Variants in PTK2 observed in about 807,000 individuals in gnomAD.
The protein encoded by PTK2 is focal adhesion kinase 1.
Under a neutral mutation model 150.1 loss-of-function variants are expected in PTK2, and 45 were observed. The ratio of observed to expected loss-of-function variants is 0.30; its 90% CI spans 0.24 to 0.38. The LOEUF is 0.38. PTK2 is among the 10% of genes least tolerant of loss of function. The pLI is 1.00. For synonymous variants in PTK2, 432 were observed against 449.2 expected (o/e 0.96, Z 0.48); for missense variants, 919 against 1,307.3 (o/e 0.70, Z 4.58).
chr8:140,879,425 A>T, intron 4 of PTK2, 46 bp downstream of exon 4: 2 of 1,516,676 alleles, frequency 1.3e-6, no homozygotes. Flanking sequence ...TTTAAAAAGC[A>T]AAAGAAATCA....
chr8:140,995,408 ACT>A (rs1162861434), intron 1 of PTK2, among the ~76,000 whole-genome samples: 2 of 150,640 alleles, frequency 1.3e-5, no homozygotes, highest in Middle Eastern at 6.9e-3. Flanking sequence ...AAGAAAAGAA[ACT>A]CTATAATGGC....
intron 14 of PTK2, among the ~76,000 whole-genome samples, chr8:140,767,706 A>C (rs978949069): frequency 3.3e-5 from 5 of 152,152 alleles, no homozygotes; most frequent in African/African-American, 9.7e-5. Context: ...CGCTGGTCTC[A>C]AACTCCTGGA....
chr8:140,682,492 A>G (rs753304007), intron 27 of PTK2, among the ~76,000 whole-genome samples: 4 of 152,012 alleles, frequency 2.6e-5, no homozygotes, highest in Non-Finnish European at 5.9e-5. Flanking sequence ...AGTGATGTAC[A>G]TATTTCTTTA....
intron 1 of PTK2, among the ~76,000 whole-genome samples, chr8:140,958,949 A>G (rs986853585): frequency 6.6e-6 from 1 of 152,154 alleles, no homozygotes; most frequent in Non-Finnish European, 1.5e-5. Flanking sequence ...CTATATGGAT[A>G]CTCAAATGAC....
intron 1 of PTK2, among the ~76,000 whole-genome samples, chr8:140,946,162 C>A (rs2100177627): frequency 6.6e-6 from 1 of 152,072 alleles, no homozygotes; most frequent in Admixed American, 6.6e-5. Flanking sequence ...AGAGGCCCTA[C>A]TTACAGAGCT....
At position 140,852,133 on chromosome 8, in the gene PTK2, C is replaced by T. The variant is rs2100129665; in HGVS notation, c.451-5455G>A. Among the ~76,000 whole-genome samples, 5 of 152,190 alleles carry T rather than the reference C, an allele frequency of 3.3e-5. 1 individual carries two copies. In the Middle Eastern group the frequency reaches 0.014, roughly 414 times the overall value. ...AAGTCAATTCTCAATATTAAATTCC[C>T]GAAGATAATAAACTGAGCACCTAAA... is the stretch of plus-strand genomic sequence containing the variant. On this transcript the variant is annotated intron_variant, in intron 5 of 31. Transcript: ENST00000522684.
intron 22 of PTK2, among the ~76,000 whole-genome samples, chr8:140,732,017 C>G (rs892117084): frequency 1.3e-5 from 2 of 152,028 alleles, no homozygotes; most frequent in African/African-American, 4.8e-5. Flanking sequence ...CTTTCGAGGT[C>G]AAGAAGAAGA....
intron 29 of PTK2, 88 bp downstream of exon 33, chr8:140,669,639 C>T (rs2094517792): frequency 2.1e-6 from 3 of 1,451,476 alleles, no homozygotes; most frequent in East Asian, 2.5e-5. Flanking sequence ...CCCACTTGGG[C>T]TTCCTGCTTT....
rs1232347708 is a variant in PTK2 at position 140,791,279 on chromosome 8, C to T, written c.1125-1753G>A. ...ATAGTACACCACAGCCTCAAACCCC[C>T]GGGCTTCAGTGATCCTCCTGCCTCA... is the stretch of plus-strand genomic sequence containing the variant. On this transcript the variant is annotated intron_variant, in intron 13 of 31. Coordinates refer to ENST00000522684, the Ensembl canonical transcript of PTK2. 3.3e-5 allele frequency among the ~76,000 whole-genome samples: 5 copies of T among 152,138 alleles called. 1 individual carries two copies. Among genetic ancestry groups the T allele is most frequent in the East Asian group, 3.9e-4 (2 of 5,194 alleles).
At chr8:140,799,955 C>T (rs1289102348) in intron 12 of PTK2, among the ~76,000 whole-genome samples, 1 of 152,130 alleles carries the variant, frequency 6.6e-6, no homozygotes, top group East Asian at 1.9e-4. Flanking sequence ...GCAAAAACTC[C>T]ACACCGCTTT....
At chr8:140,945,409 A>T (rs368243368) in intron 1 of PTK2, among the ~76,000 whole-genome samples, 1 of 152,102 alleles carries the variant, frequency 6.6e-6, no homozygotes, top group East Asian at 1.9e-4. Flanking sequence ...GCATAGTGAG[A>T]GCCTTCCTCC....
At chr8:140,901,310 T>A (rs986477935) in intron 2 of PTK2, among the ~76,000 whole-genome samples, 1 of 152,122 alleles carries the variant, frequency 6.6e-6, no homozygotes, top group African/African-American at 2.4e-5. Context: ...CCTGAAACTA[T>A]GGAATTACTG....
At chr8:140,742,823 C>A (rs2100056525) in intron 20 of PTK2, among the ~76,000 whole-genome samples, 1 of 152,224 alleles carries the variant, frequency 6.6e-6, no homozygotes, top group South Asian at 2.1e-4. Context: ...ATCCTTTTAA[C>A]AGGGTCTTTG....
intron 1 of PTK2, among the ~76,000 whole-genome samples, chr8:140,935,496 G>A (rs1806103576): frequency 6.6e-6 from 1 of 152,166 alleles, no homozygotes; most frequent in Non-Finnish European, 1.5e-5. Context: ...CCAGAAGAAA[G>A]TTATTAGTAC....
rs1231405103 is a variant in PTK2 at position 140,764,242 on chromosome 8, A to C, written c.1226T>G (p.Met409Arg). Residue 409 changes from methionine (M) to arginine (R), a missense_variant, in exon 15 of 32, where the codon ATG becomes AGG. Around this residue, in one of 3 missense-constraint regions of PTK2, gnomAD observed 555 missense variants for 880.1 expected, o/e 0.63. Coordinates refer to ENST00000522684, the Ensembl canonical transcript of PTK2. ...ATCAGAAGTTTACTTACTTGAGGGC[A>C]TGGTGTAAGTATCTTCTTCATCTAT... is the stretch of plus-strand genomic sequence containing the variant. The C allele has an allele frequency of 5.0e-6, 8 of 1,609,186 alleles. No individual in the cohort carries two copies. The highest frequency in any genetic ancestry group is 5.1e-6 in the Non-Finnish European group (6 of 1,176,666).
intron 4 of PTK2, among the ~76,000 whole-genome samples, chr8:140,873,654 G>A (rs560036985): frequency 8.5e-5 from 13 of 152,064 alleles, no homozygotes; most frequent in African/African-American, 2.7e-4. Flanking sequence ...TAGTAGAGGC[G>A]GGGGTTTCAC....
intron 1 of PTK2, among the ~76,000 whole-genome samples, chr8:140,946,058 C>A (rs768513474): frequency 3.9e-5 from 6 of 152,106 alleles, no homozygotes; most frequent in Admixed American, 2.0e-4. Context: ...CCTCTCTAGA[C>A]TGAAGCAGGG....
At chr8:140,967,762 C>G (rs147227124) in intron 1 of PTK2, among the ~76,000 whole-genome samples, 70 of 151,982 alleles carry the variant, frequency 4.6e-4, no homozygotes, top group Middle Eastern at 3.4e-3. Context: ...CTGGCCTAAC[C>G]CAACATTTCT....
chr8:140,666,205 G>A (rs1470550909), intron 30 of PTK2, among the ~76,000 whole-genome samples: 3 of 152,130 alleles, frequency 2.0e-5, no homozygotes, highest in East Asian at 1.9e-4. Context: ...AGGTGTGGTG[G>A]TGCATGCCTG....
Sources: gnomAD v4.1 joint callset for allele counts (sites outside exome capture counted in the v4.1 genomes callset) on GRCh38, gnomAD v4.1.1 for gene constraint, gnomAD v4.1.1 regional missense constraint, MANE v1.5 for transcripts, NCBI Gene and HGNC (gene_info 2026-07-23, HGNC 2026-07-21) for gene names.